Variants in ROBO2 observed in about 807,000 individuals in gnomAD.
ROBO2 encodes roundabout guidance receptor 2, also known as roundabout homolog 2.
A neutral mutation model predicts 160.8 loss-of-function variants in ROBO2; 53 were observed. The ratio of observed to expected loss-of-function variants is 0.33; its 90% CI spans 0.26 to 0.41. ROBO2 has a LOEUF of 0.41. ROBO2 is among the 10% of genes least tolerant of loss of function. The pLI, the probability that ROBO2 is intolerant of heterozygous loss-of-function variation, is 1.00. For missense variants in ROBO2, 1,577 were observed against 1,722.4 expected (o/e 0.92, Z 1.49); for synonymous variants, 664 against 611.7 (o/e 1.09, Z -1.26).
chr3:77,421,520 A>G (rs1011891586), intron 2 of ROBO2, among the ~76,000 whole-genome samples: 2 of 152,122 alleles, frequency 1.3e-5, no homozygotes, highest in Non-Finnish European at 2.9e-5. Flanking sequence ...AGCTCATATA[A>G]CGCCATAGAA....
At chr3:76,150,368 A>C (rs1373762862) in intron 2 of ROBO2, among the ~76,000 whole-genome samples, 2 of 150,214 alleles carry the variant, frequency 1.3e-5, no homozygotes, top group Non-Finnish European at 2.9e-5. Flanking sequence ...TAAAACACAC[A>C]TCTGTCTAAA....
At chr3:77,448,292 C>T (rs988230029) in intron 2 of ROBO2, among the ~76,000 whole-genome samples, 1 of 152,050 alleles carries the variant, frequency 6.6e-6, no homozygotes, top group Non-Finnish European at 1.5e-5. Context: ...GGGAGAGTAG[C>T]CCAGCTGCCC....
At chr3:77,099,434 G>C (rs2071595769) in intron 2 of ROBO2, among the ~76,000 whole-genome samples, 1 of 152,110 alleles carries the variant, frequency 6.6e-6, no homozygotes, top group Non-Finnish European at 1.5e-5. Flanking sequence ...AACTCCAATA[G>C]GAAAAGACTA....
chr3:76,069,672 C>A (rs1182417020), intron 2 of ROBO2, among the ~76,000 whole-genome samples: 1 of 151,778 alleles, frequency 6.6e-6, no homozygotes, highest in Non-Finnish European at 1.5e-5. Flanking sequence ...TTAGTAAAGT[C>A]TTGACAAGTT....
intron 20 of ROBO2, 72 bp downstream of exon 21, chr3:77,602,563 T>C: frequency 6.4e-7 from 1 of 1,557,016 alleles, no homozygotes; most frequent in Non-Finnish European, 8.8e-7. Context: ...TTAGTATTTG[T>C]TGTTTGACTT....
intron 2 of ROBO2, among the ~76,000 whole-genome samples, chr3:76,323,100 G>GA (rs2072701198): frequency 6.8e-6 from 1 of 146,250 alleles, no homozygotes; most frequent in Non-Finnish European, 1.5e-5. Flanking sequence ...TTTTCTTCAG[G>GA]AAAAACTATA....
Position 76,753,748 on chromosome 3 carries a change from A to C in ROBO2, c.110-344266A>C, listed in dbSNP as rs76098355. Among the ~76,000 whole-genome samples, 148 of 151,942 alleles carry C rather than the reference A, an allele frequency of 9.7e-4. 1 individual carries two copies. The East Asian group carries it at 0.021, about 21-fold the overall frequency. On this transcript the variant is annotated intron_variant, in intron 2 of 26. Transcript: ENST00000487694. ...TCTAATATTTTAACTTTTTTCATTA[A>C]AATTTCCCCTGTCTCAATTATATGA...
chr3:76,296,413 C>G (rs1309146669), intron 2 of ROBO2, among the ~76,000 whole-genome samples: 1 of 152,174 alleles, frequency 6.6e-6, no homozygotes, highest in African/African-American at 2.4e-5. Context: ...GGCTTGTGCT[C>G]AGATAATTTC....
chr3:77,330,767 T>C (rs928406823), intron 2 of ROBO2, among the ~76,000 whole-genome samples: 1 of 152,216 alleles, frequency 6.6e-6, no homozygotes, highest in Admixed American at 6.5e-5. Flanking sequence ...TCTGACCACA[T>C]TATATGCACT....
chr3:77,494,383 C>A (rs1027832774), intron 5 of ROBO2, among the ~76,000 whole-genome samples: 56 of 152,130 alleles, frequency 3.7e-4, no homozygotes, highest in African/African-American at 1.3e-3. Context: ...TCAAGACCAG[C>A]CTGACAAACA....
intron 2 of ROBO2, among the ~76,000 whole-genome samples, chr3:76,127,529 A>G (rs923766018): frequency 2.0e-5 from 3 of 152,156 alleles, no homozygotes; most frequent in African/African-American, 7.2e-5. Context: ...ACGTTTATAT[A>G]GAAAACAAAT....
At chr3:77,380,703 C>CCCTT (rs1432271870) in intron 2 of ROBO2, among the ~76,000 whole-genome samples, 1 of 147,770 alleles carries the variant, frequency 6.8e-6, no homozygotes, top group South Asian at 2.2e-4. Context: ...CTCCTTCCCT[C>CCCTT]CCTTCCTTCC....
intron 2 of ROBO2, among the ~76,000 whole-genome samples, chr3:77,245,464 T>C (rs1197434101): frequency 3.3e-5 from 5 of 152,238 alleles, no homozygotes; most frequent in Non-Finnish European, 7.3e-5. Flanking sequence ...AAGCTCATTC[T>C]CATGATAGAT....
At chr3:77,634,066 A>C (rs1260362921) in intron 23 of ROBO2, 1 of 152,218 alleles carries the variant, frequency 6.6e-6, no homozygotes, top group Non-Finnish European at 1.5e-5. Flanking sequence ...TTACTACAAT[A>C]AACATGGTAT....
chr3:76,301,692 G>C (rs1222804337), intron 2 of ROBO2, among the ~76,000 whole-genome samples: 2 of 152,082 alleles, frequency 1.3e-5, no homozygotes, highest in African/African-American at 2.4e-5. Flanking sequence ...GTCAGAGACT[G>C]CTAGTTTCCC....
At chr3:77,017,656 A>G (rs1275011672) in intron 2 of ROBO2, among the ~76,000 whole-genome samples, 1 of 152,214 alleles carries the variant, frequency 6.6e-6, no homozygotes, top group Non-Finnish European at 1.5e-5. Context: ...AGGTAGAAAC[A>G]CAAACTCATG....
intron 2 of ROBO2, among the ~76,000 whole-genome samples, chr3:76,212,865 A>T (rs1330175123): frequency 3.7e-5 from 2 of 54,090 alleles, no homozygotes; most frequent in African/African-American, 5.9e-5. Flanking sequence ...TCTCTCTCTC[A>T]GTTTGACTAA....
At chr3:76,239,192 A>C (rs1705140742) in intron 2 of ROBO2, among the ~76,000 whole-genome samples, 1 of 152,152 alleles carries the variant, frequency 6.6e-6, no homozygotes, top group African/African-American at 2.4e-5. Context: ...GAGAGAAATA[A>C]ATTTTTTTAA....
intron 2 of ROBO2, among the ~76,000 whole-genome samples, chr3:75,951,151 C>G (rs1025571830): frequency 3.3e-5 from 5 of 151,910 alleles, no homozygotes; most frequent in African/African-American, 9.7e-5. Context: ...CAATTTATCC[C>G]CCCTGTATGC....
Sources: allele counts gnomAD v4.1 joint callset (sites outside exome capture counted in the v4.1 genomes callset), GRCh38; gene constraint gnomAD v4.1.1; transcripts MANE v1.5; gene names NCBI Gene and HGNC (gene_info 2026-07-23, HGNC 2026-07-21).